The following CSRP2 variants were observed in gnomAD, a reference collection of about 807,000 sequenced individuals.
CSRP2 encodes cysteine and glycine-rich protein 2.
Under a neutral mutation model 24.6 loss-of-function variants are expected in CSRP2, and 18 were observed. The ratio of observed to expected loss-of-function variants is 0.73; its 90% confidence interval spans 0.51 to 1.09. The LOEUF (loss-of-function observed/expected upper bound fraction) is 1.09, where lower values mean the gene tolerates loss of function less well. CSRP2 is among the 50% of genes least tolerant of loss of function. The pLI is 0.00. For synonymous variants in CSRP2, 87 were observed against 84.3 expected (o/e 1.03, Z -0.18); for missense variants, 215 against 239.4 (o/e 0.90, Z 0.67).
intron 1 of CSRP2, among the ~76,000 whole-genome samples, chr12:76,870,056 T>C (rs1953782034): frequency 1.3e-5 from 2 of 152,242 alleles, no homozygotes; most frequent in Admixed American, 1.3e-4. Context: ...CTACAATTAC[T>C]TATATTGGAT....
At chr12:76,874,560 C>G (rs1468817329) in intron 1 of CSRP2, among the ~76,000 whole-genome samples, 1 of 145,974 alleles carries the variant, frequency 6.9e-6, no homozygotes, top group African/African-American at 2.4e-5. Context: ...TAGGAGCACT[C>G]GGGGCCTGAA....
At position 76,870,900 on chromosome 12, in the gene CSRP2, A is replaced by T. The variant is rs973037025; in HGVS notation, c.-1-4639T>A. On this transcript the variant is annotated intron_variant, in intron 1 of 5. Coordinates refer to ENST00000311083, the MANE Select transcript of CSRP2 (RefSeq NM_001321.3). ...AAGTGGGAGGATTGCTTGTGCTGGG[A>T]ATGTCAAGGCTACAGTGAGCTATGA... Among the ~76,000 whole-genome samples, 3 of 142,172 alleles carry T rather than the reference A, an allele frequency of 2.1e-5. No homozygotes were observed. In the South Asian group the frequency reaches 6.8e-4, roughly 32 times the overall value. The allele number at this position is 142,172 out of a possible 152,430, so 93.3% of individuals were successfully genotyped here.
At chr12:76,871,774 AAAAAAG>A (rs1480867800) in intron 1 of CSRP2, among the ~76,000 whole-genome samples, 23 of 152,192 alleles carry the variant, frequency 1.5e-4, no homozygotes, top group Admixed American at 3.3e-4. Flanking sequence ...AAAAAAAAAA[AAAAAAG>A]AAAAGAAACG....
intron 3 of CSRP2, 84 bp downstream of exon 3, chr12:76,863,092 T>C: frequency 1.3e-6 from 2 of 1,508,416 alleles, no homozygotes. Flanking sequence ...ACTAAAAATC[T>C]GGAGACTGCC....
chr12:76,865,546 A>T (rs1953726053), intron 2 of CSRP2: 2 of 152,236 alleles, frequency 1.3e-5, no homozygotes, highest in Non-Finnish European at 2.9e-5. Flanking sequence ...TTCTCAATGT[A>T]ACCTATTTTT....
intron 1 of CSRP2, among the ~76,000 whole-genome samples, chr12:76,866,548 T>G (rs950486471): frequency 6.6e-6 from 1 of 152,032 alleles, no homozygotes; most frequent in Non-Finnish European, 1.5e-5. Context: ...AAACAAGCTA[T>G]GCCATTAGAA....
At chr12:76,865,630 G>T (rs762784) in intron 2 of CSRP2, 13,171 of 152,516 alleles carry the variant, frequency 0.086, 811 homozygotes, top group Admixed American at 0.17. Context: ...GTATGGGTGG[G>T]TTTACCTGAC....
At chr12:76,877,660 A>G (rs1397964625) in intron 1 of CSRP2, among the ~76,000 whole-genome samples, 1 of 152,248 alleles carries the variant, frequency 6.6e-6, no homozygotes, top group East Asian at 1.9e-4. Flanking sequence ...CTGACAAAGT[A>G]TCAGTGACAA....
At chr12:76,869,764 G>A (rs1953778049) in intron 1 of CSRP2, among the ~76,000 whole-genome samples, 1 of 152,158 alleles carries the variant, frequency 6.6e-6, no homozygotes, top group African/African-American at 2.4e-5. Context: ...CTTTCCTTTT[G>A]TAGCTGCATA....
At chr12:76,863,396 T>G in intron 2 of CSRP2, 52 bp from the exon 3 acceptor site, 1 of 1,573,452 alleles carries the variant, frequency 6.4e-7, no homozygotes, top group Non-Finnish European at 8.7e-7. Flanking sequence ...GCCTTTTTCC[T>G]TAGAACAATG....
chr12:76,869,008 C>T (rs537381947), intron 1 of CSRP2, among the ~76,000 whole-genome samples: 85 of 151,450 alleles, frequency 5.6e-4, no homozygotes, highest in African/African-American at 1.9e-3. Flanking sequence ...TAGTCTGTTT[C>T]GTGTTGCTAT....
chr12:76,862,536 G>A (rs1022761545), intron 3 of CSRP2: 2 of 258,828 alleles, frequency 7.7e-6, no homozygotes, highest in Non-Finnish European at 1.4e-5. Flanking sequence ...GTGAGATTCT[G>A]TGACAAAAAA....
chr12:76,864,740 TTA>T (rs1446369352), intron 2 of CSRP2: 1 of 152,056 alleles, frequency 6.6e-6, no homozygotes, highest in Non-Finnish European at 1.5e-5. Flanking sequence ...ATTTAGTCTA[TTA>T]TCTTAAACTA....
At chr12:76,867,828 T>C (rs1331698339) in intron 1 of CSRP2, among the ~76,000 whole-genome samples, 2 of 152,140 alleles carry the variant, frequency 1.3e-5, no homozygotes, top group Non-Finnish European at 2.9e-5. Context: ...GTAGAAAAGA[T>C]TAAAGAGTCT....
chr12:76,870,789 A>G (rs1447323206), intron 1 of CSRP2, among the ~76,000 whole-genome samples: 1 of 151,734 alleles, frequency 6.6e-6, no homozygotes, highest in African/African-American at 2.4e-5. Context: ...GGGAGACGCT[A>G]TATTACCTAT....
chr12:76,871,889 T>C (rs1297941396), intron 1 of CSRP2, among the ~76,000 whole-genome samples: 4 of 151,956 alleles, frequency 2.6e-5, no homozygotes, highest in Non-Finnish European at 5.9e-5. Flanking sequence ...ACTCTTGGCA[T>C]TGCTGTGCAT....
chr12:76,868,052 C>T (rs1239545828), intron 1 of CSRP2, among the ~76,000 whole-genome samples: 1 of 152,156 alleles, frequency 6.6e-6, no homozygotes, highest in Non-Finnish European at 1.5e-5. Flanking sequence ...GGAAAGCAGC[C>T]ATCTCTTTCT....
At chr12:76,878,470 T>TA (rs2137843002) in intron 1 of CSRP2, among the ~76,000 whole-genome samples, 1 of 152,068 alleles carries the variant, frequency 6.6e-6, no homozygotes, top group African/African-American at 2.4e-5. Context: ...CAGAACCCAG[T>TA]AAGGTCGCCC....
intron 3 of CSRP2, 143 bp from the exon 4 acceptor site, chr12:76,860,556 G>A: frequency 1.1e-6 from 1 of 883,554 alleles, no homozygotes; most frequent in South Asian, 2.1e-5. Flanking sequence ...ACAGGGGAGG[G>A]AATAAAGAAG....
Sources: gnomAD v4.1 joint callset for allele counts (sites outside exome capture counted in the v4.1 genomes callset) on GRCh38, gnomAD v4.1.1 for gene constraint, MANE v1.5 for transcripts, NCBI Gene and HGNC (gene_info 2026-07-23, HGNC 2026-07-21) for gene names.